Variants in ZNF883 observed in about 807,000 individuals in gnomAD.
ZNF883 encodes the protein zinc finger protein 883.
intron 2 of ZNF883, among the ~76,000 whole-genome samples, chr9:113,006,892 ATT>A (rs749054640): frequency 0.32 from 44,566 of 137,308 alleles, 7,376 homozygotes; most frequent in East Asian, 0.48. Flanking sequence ...GACTATGGTA[ATT>A]TTTTAAAAAA....
downstream of ZNF883, among the ~76,000 whole-genome samples, chr9:112,996,607 C>A (rs375070540): frequency 1.9e-4 from 28 of 149,974 alleles, no homozygotes; most frequent in Non-Finnish European, 3.4e-4. Flanking sequence ...CTGGCTAACA[C>A]GGTGAAACCC....
downstream of ZNF883, chr9:112,996,993 T>C (rs1828364656): frequency 1.2e-6 from 1 of 839,414 alleles, no homozygotes; most frequent in Non-Finnish European, 1.8e-6. Context: ...TCAGTACAAA[T>C]AGCATATTAA....
At chr9:113,002,764 C>T (rs555972046), upstream of ZNF883, among the ~76,000 whole-genome samples, 28 of 152,166 alleles carry the variant, frequency 1.8e-4, 1 homozygote, top group African/African-American at 5.1e-4. Context: ...ATTGCCAATG[C>T]GATAATATTA....
intron 1 of ZNF883, among the ~76,000 whole-genome samples, chr9:113,011,605 A>T (rs1353675182): frequency 6.6e-6 from 1 of 152,032 alleles, no homozygotes; most frequent in Non-Finnish European, 1.5e-5. Flanking sequence ...ACAGTTCTTT[A>T]TAGAAGAGAC....
At chr9:112,996,789 TCAAAAAAAAAAAAAAAAA>T (rs1828360055), downstream of ZNF883, among the ~76,000 whole-genome samples, 3 of 28,302 alleles carry the variant, frequency 1.1e-4, no homozygotes, top group South Asian at 3.1e-3. Flanking sequence ...AGACTCCGTC[TCAAAAAAAAAAAAAAAAA>T]AAAAAAAAAA....
At chr9:113,007,189 G>A (rs1376076157) in intron 2 of ZNF883, among the ~76,000 whole-genome samples, 1 of 152,156 alleles carries the variant, frequency 6.6e-6, no homozygotes, top group Non-Finnish European at 1.5e-5. Flanking sequence ...GCAAGACTCC[G>A]TCTCAAAAGA....
At chr9:113,005,397 C>T (rs985006786) in intron 2 of ZNF883, among the ~76,000 whole-genome samples, 3 of 151,972 alleles carry the variant, frequency 2.0e-5, no homozygotes, top group South Asian at 2.1e-4. Flanking sequence ...GAAATACAAA[C>T]GATCAATATA....
chr9:112,989,647 T>C (rs1828282685), intron 1 of ZNF883, among the ~76,000 whole-genome samples: 1 of 152,216 alleles, frequency 6.6e-6, no homozygotes, highest in Admixed American at 6.5e-5. Flanking sequence ...TTTTTTCTAA[T>C]TCTGTGAAGA....
downstream of ZNF883, among the ~76,000 whole-genome samples, chr9:112,996,789 TCAAAAAAAAAAAAAAAAAAAAA>T: frequency 7.1e-5 from 2 of 28,302 alleles, no homozygotes; most frequent in South Asian, 2.1e-3. Flanking sequence ...AGACTCCGTC[TCAAAAAAAAAAAAAAAAAAAAA>T]AAAAAAAAAA....
upstream of ZNF883, chr9:112,998,513 G>T: frequency 3.2e-6 from 1 of 308,512 alleles, no homozygotes; most frequent in South Asian, 1.4e-4. Flanking sequence ...CACTTCCCAT[G>T]GTTTCAGTTA....
intron 1 of ZNF883, among the ~76,000 whole-genome samples, chr9:112,989,471 ATTGGTCTATGTGT>A: frequency 6.6e-6 from 1 of 152,202 alleles, no homozygotes; most frequent in Middle Eastern, 3.4e-3. Flanking sequence ...ATTCTGTTCC[ATTGGTCTATGTGT>A]CGTTTTTGGA....
At chr9:113,007,869 C>T (rs987691745) in intron 2 of ZNF883, among the ~76,000 whole-genome samples, 2 of 152,118 alleles carry the variant, frequency 1.3e-5, no homozygotes, top group Non-Finnish European at 2.9e-5. Context: ...CCCCTATTCT[C>T]GAGTTCAGCA....
At position 112,998,088 on chromosome 9, in the gene ZNF883, GAACA is replaced by G. The variant is rs752055296; in HGVS notation, n.168_171del. On this transcript the variant is annotated non_coding_transcript_exon_variant, in exon 1 of 1. Coordinates refer to ENST00000639662, the Ensembl canonical transcript of ZNF883. Reference sequence around the variant, plus strand: ...TCTCCAGTATGTATTCTTTGATGTTGAACAAGATTACTGTTCCGGGTAAAGGACT... The same window carrying G: ...TCTCCAGTATGTATTCTTTGATGTTGAGATTACTGTTCCGGGTAAAGGACT... The G allele has an allele frequency of 4.3e-6, 7 of 1,613,766 alleles. No individual in the cohort carries two copies. The Admixed American group carries it at 5.0e-5, about 12-fold the overall frequency.
At chr9:112,998,951 G>C (rs1299006807), upstream of ZNF883, 2 of 152,112 alleles carry the variant, frequency 1.3e-5, no homozygotes, top group Admixed American at 1.3e-4. Context: ...GGATATACTG[G>C]TGTTTCTCAA....
chr9:112,997,402 A>G, exon 1 of ZNF883: 1 of 1,613,968 alleles, frequency 6.2e-7, no homozygotes, highest in Non-Finnish European at 8.5e-7. Context: ...CACAAGAATG[A>G]ATTTTTAGAT....
chr9:112,995,668 T>C (rs553409048), downstream of ZNF883, among the ~76,000 whole-genome samples: 90 of 151,732 alleles, frequency 5.9e-4, no homozygotes, highest in Middle Eastern at 3.4e-3. Context: ...CACCAATGTA[T>C]ATAGAATTTT....
At chr9:113,010,240 T>C (rs928555286) in intron 2 of ZNF883, among the ~76,000 whole-genome samples, 3 of 152,172 alleles carry the variant, frequency 2.0e-5, no homozygotes, top group African/African-American at 4.8e-5. Context: ...AAATAAAAAA[T>C]ACAGCAGAGC....
upstream of ZNF883, among the ~76,000 whole-genome samples, chr9:113,002,570 T>C (rs1437742926): frequency 6.6e-6 from 1 of 152,202 alleles, no homozygotes; most frequent in East Asian, 1.9e-4. Flanking sequence ...CTGTAATATA[T>C]CTGTAAATTT....
chr9:112,998,951 G>A (rs1299006807), upstream of ZNF883: 1 of 151,994 alleles, frequency 6.6e-6, no homozygotes, highest in South Asian at 2.1e-4. Context: ...GGATATACTG[G>A]TGTTTCTCAA....
Sources: gnomAD v4.1 joint callset for allele counts (sites outside exome capture counted in the v4.1 genomes callset) on GRCh38, gnomAD v4.1.1 for gene constraint, MANE v1.5 for transcripts, NCBI Gene and HGNC (gene_info 2026-07-23, HGNC 2026-07-21) for gene names.